Variants in TGFBR3 observed in about 807,000 individuals in gnomAD.
The protein encoded by TGFBR3 is transforming growth factor beta receptor type 3.
TGFBR3 carries 46 observed loss-of-function variants against 87.9 expected under a neutral mutation model. The observed-to-expected ratio is 0.52, with a 90% CI of 0.41 to 0.67. TGFBR3 has a LOEUF of 0.67. Among genes scored for constraint, TGFBR3 ranks in the 30% least tolerant of loss-of-function variants. The pLI, the probability that TGFBR3 is intolerant of heterozygous loss-of-function variation, is 0.00. For synonymous variants in TGFBR3, 381 were observed against 391.6 expected, an observed-to-expected ratio of 0.97 and a Z score of 0.32; for missense variants, 866 against 1,041.9, an observed-to-expected ratio of 0.83 and a Z score of 2.32.
intron 13 of TGFBR3, among the ~76,000 whole-genome samples, chr1:91,710,152 A>G (rs1671929990): frequency 6.6e-6 from 1 of 152,272 alleles, no homozygotes; most frequent in East Asian, 1.9e-4. Flanking sequence ...AAAGCTAATC[A>G]AGTTCCATCT....
chr1:91,716,827 G>C, intron 10 of TGFBR3, 119 bp from the exon 11 acceptor site: 1 of 1,277,842 alleles, frequency 7.8e-7, no homozygotes, highest in East Asian at 2.3e-5. Flanking sequence ...CTGACTTTAA[G>C]ACAAAATAAT....
At chr1:91,901,432 G>A (rs1679716844) in intron 1 of TGFBR3, among the ~76,000 whole-genome samples, 1 of 152,152 alleles carries the variant, frequency 6.6e-6, no homozygotes, top group South Asian at 2.1e-4. Context: ...CAATCTCTAT[G>A]CAATAGGCTG....
At chr1:91,798,323 TC>T (rs1217627478) in intron 2 of TGFBR3, among the ~76,000 whole-genome samples, 1 of 152,164 alleles carries the variant, frequency 6.6e-6, no homozygotes, top group Non-Finnish European at 1.5e-5. Flanking sequence ...TGTGGGAAGT[TC>T]CTGTCCCTTC....
intron 1 of TGFBR3, among the ~76,000 whole-genome samples, chr1:91,867,041 T>G (rs1468549920): frequency 2.0e-5 from 3 of 152,192 alleles, no homozygotes; most frequent in Non-Finnish European, 4.4e-5. Context: ...GAATGGAGCC[T>G]CAGTTTCCTC....
chr1:91,735,221 A>G (rs1672923544), intron 4 of TGFBR3, among the ~76,000 whole-genome samples: 1 of 152,220 alleles, frequency 6.6e-6, no homozygotes, highest in Non-Finnish European at 1.5e-5. Context: ...CACATTGAGT[A>G]ATCGTAAGAA....
intron 7 of TGFBR3, 95 bp from the exon 8 acceptor site, chr1:91,722,239 T>C: frequency 2.0e-6 from 2 of 1,018,930 alleles, no homozygotes; most frequent in Non-Finnish European, 2.9e-6. Context: ...GATTCTATAT[T>C]GTATATGAGG....
chr1:91,798,700 C>A (rs139272272), intron 2 of TGFBR3, among the ~76,000 whole-genome samples: 24 of 152,330 alleles, frequency 1.6e-4, no homozygotes, highest in Middle Eastern at 3.4e-3. Context: ...GGGTACTCAT[C>A]TTTGTATCCT....
chr1:91,847,385 C>T (rs764877335), intron 2 of TGFBR3, among the ~76,000 whole-genome samples: 1 of 152,002 alleles, frequency 6.6e-6, no homozygotes, highest in Non-Finnish European at 1.5e-5. Context: ...AGGCAGATCA[C>T]CTGAGGTTGG....
chr1:91,721,878 C>A, intron 8 of TGFBR3, 77 bp downstream of exon 8: 1 of 1,369,764 alleles, frequency 7.3e-7, no homozygotes. Flanking sequence ...AACATATAAG[C>A]TGAAATGACA....
chr1:91,890,789 A>G (rs1311867708), upstream of TGFBR3, among the ~76,000 whole-genome samples: 2 of 152,208 alleles, frequency 1.3e-5, no homozygotes, highest in Non-Finnish European at 2.9e-5. Context: ...TCACACAACC[A>G]GCAAGTGGCA....
intron 2 of TGFBR3, among the ~76,000 whole-genome samples, chr1:91,849,444 C>A (rs1434715628): frequency 6.6e-6 from 1 of 152,186 alleles, no homozygotes; most frequent in East Asian, 1.9e-4. Context: ...GCTTTTCCTG[C>A]TGCCTGGAAT....
intron 4 of TGFBR3, among the ~76,000 whole-genome samples, chr1:91,757,247 T>TTCTC (rs17886528): frequency 0.013 from 1,963 of 152,296 alleles, 44 homozygotes; most frequent in African/African-American, 0.045. Context: ...TTGTCAGCGT[T>TTCTC]TCTTCATGAT....
At position 91,681,399 on chromosome 1, in the gene TGFBR3, T is replaced by C. The variant is rs1279034089; in HGVS notation, c.*2340A>G. On this transcript the variant is annotated 3_prime_UTR_variant, in exon 17 of 17. Coordinates refer to ENST00000212355, the MANE Select transcript of TGFBR3 (RefSeq NM_003243.5). ...CAAATAAAAGGTGATTTTTTTCCTC[T>C]CTCTCTCTTTTAAAAAGATCTTTTG... is the stretch of plus-strand genomic sequence containing the variant. 2 of 396,196 alleles carry C rather than the reference T, an allele frequency of 5.0e-6. No homozygotes were observed. The highest frequency in any genetic ancestry group is 4.0e-5 in the South Asian group (2 of 50,616). 24.5% of individuals were successfully genotyped at this position (396,196 alleles called of 1,614,324 possible). A position where few individuals can be genotyped will look rare whatever the true frequency, so the allele number is the denominator to read the frequency against.
At chr1:91,729,189 A>ACC (rs1672666938) in intron 6 of TGFBR3, among the ~76,000 whole-genome samples, 1 of 145,260 alleles carries the variant, frequency 6.9e-6, no homozygotes, top group South Asian at 2.2e-4. Flanking sequence ...ACACACACAC[A>ACC]CACACACCAA....
At chr1:91,787,664 A>T (rs559492798) in intron 3 of TGFBR3, among the ~76,000 whole-genome samples, 215 of 152,340 alleles carry the variant, frequency 1.4e-3, no homozygotes, top group African/African-American at 5.0e-3. Flanking sequence ...CAGAAAGCCA[A>T]GGGCTATGCC....
chr1:91,892,670 G>T (rs919636927), intron 2 of TGFBR3, among the ~76,000 whole-genome samples: 19 of 152,006 alleles, frequency 1.2e-4, no homozygotes, highest in African/African-American at 4.1e-4. Context: ...AATTAGTGAG[G>T]GCACCATCTC....
rs143990395 is a variant in TGFBR3, at chr1:91,828,663, A to C, written c.62-31192T>G. Among the ~76,000 whole-genome samples the C allele has an allele frequency of 2.8e-3, 431 of 152,326 alleles. 3 individuals carry two copies. Among genetic ancestry groups the C allele is most frequent in the African/African-American group, 9.7e-3 (404 of 41,574 alleles). ...AGGGTCCCTCTGGATGGTCACCTCC[A>C]CAGAAGCAGCAGCTGCTCAAGCCCC... On this transcript the variant is annotated intron_variant, in intron 2 of 16. Transcript: ENST00000212355.
chr1:91,880,563 A>C (rs1209616721), intron 1 of TGFBR3, among the ~76,000 whole-genome samples: 1 of 152,026 alleles, frequency 6.6e-6, no homozygotes, highest in East Asian at 1.9e-4. Flanking sequence ...GCGCCACTGC[A>C]CTCCACCCTG....
chr1:91,895,773 CAATG>C (rs1679539865), intron 2 of TGFBR3, among the ~76,000 whole-genome samples: 1 of 152,138 alleles, frequency 6.6e-6, no homozygotes, highest in South Asian at 2.1e-4. Context: ...TCAAATGTAA[CAATG>C]AAAAAAACTC....
Sources: allele counts gnomAD v4.1 joint callset (sites outside exome capture counted in the v4.1 genomes callset), GRCh38; gene constraint gnomAD v4.1.1; transcripts MANE v1.5; gene names NCBI Gene and HGNC (gene_info 2026-07-23, HGNC 2026-07-21).